Variants in SBNO2 observed in about 807,000 individuals in gnomAD.
SBNO2 encodes the protein protein strawberry notch homolog 2.
Under a neutral mutation model 146.3 loss-of-function variants are expected in SBNO2, and 89 were observed. The ratio of observed to expected loss-of-function variants is 0.61; its 90% CI spans 0.51 to 0.73. The LOEUF (loss-of-function observed/expected upper bound fraction) is 0.73. Among genes scored for constraint, SBNO2 ranks in the 30% least tolerant of loss-of-function variants. SBNO2 has a pLI of 0.00. For synonymous variants in SBNO2, 1,147 were observed against 892.6 expected (o/e 1.29, Z -5.08); for missense variants, 2,092 against 2,003.7 (o/e 1.04, Z -0.84).
intron 1 of SBNO2, among the ~76,000 whole-genome samples, chr19:1,166,194 ATCCCCGGAT>A (rs1284030619): frequency 0.015 from 288 of 19,280 alleles, 5 homozygotes; most frequent in African/African-American, 0.05. Context: ...CAGACTTCAG[ATCCCCGGAT>A]CCCCAGATCC....
intron 1 of SBNO2, among the ~76,000 whole-genome samples, chr19:1,172,379 T>C (rs754359043): frequency 9.9e-5 from 15 of 152,116 alleles, no homozygotes; most frequent in Non-Finnish European, 2.1e-4. Flanking sequence ...TGAGAAGCCA[T>C]CACCCCACGA....
intron 2 of SBNO2, among the ~76,000 whole-genome samples, chr19:1,152,054 A>G (rs1012889141): frequency 3.9e-5 from 6 of 152,204 alleles, no homozygotes; most frequent in African/African-American, 1.2e-4. Flanking sequence ...AGAGGTGTCC[A>G]TGACGTACCC....
rs73918354 is a variant in SBNO2, at chr19:1,154,889, G to C, written c.-126-487C>G. Among the ~76,000 whole-genome samples, 1,471 of 152,336 alleles carry C rather than the reference G, an allele frequency of 9.7e-3. 25 individuals carry two copies. The highest frequency in any genetic ancestry group is 0.034 in the African/African-American group (1,412 of 41,580). ...ACAGTGAGGTCTCCCAAGGAGGGGGGTCAGGGGCCACGCAGAGCTGGAAGA... is the reference window on the plus strand; with the variant it reads ...ACAGTGAGGTCTCCCAAGGAGGGGGCTCAGGGGCCACGCAGAGCTGGAAGA... On this transcript the variant is annotated intron_variant, in intron 1 of 31. Transcript: ENST00000361757.
chr19:1,167,679 A>T (rs968232298), intron 1 of SBNO2, among the ~76,000 whole-genome samples: 1 of 152,094 alleles, frequency 6.6e-6, no homozygotes, highest in Non-Finnish European at 1.5e-5. Context: ...CCCTCTGCAG[A>T]GCCCCTGTGC....
intron 4 of SBNO2, among the ~76,000 whole-genome samples, chr19:1,141,446 C>A (rs2080136384): frequency 6.6e-6 from 1 of 152,092 alleles, no homozygotes; most frequent in Non-Finnish European, 1.5e-5. Context: ...AACTCCTAAG[C>A]TCAGGTGATC....
At chr19:1,156,032 C>T (rs892793595) in intron 1 of SBNO2, among the ~76,000 whole-genome samples, 3 of 152,196 alleles carry the variant, frequency 2.0e-5, no homozygotes, top group Non-Finnish European at 4.4e-5. Context: ...CCAGGCCCCA[C>T]GGTGGACGGA....
In SBNO2 at chr19:1,108,762, G is replaced by A. The variant is rs1397320062; in HGVS notation, c.3616+17C>T. The A allele has an allele frequency of 1.6e-5, 26 of 1,597,206 alleles. No individual in the cohort carries two copies. Among genetic ancestry groups the A allele is most frequent in the Non-Finnish European group, 2.2e-5 (26 of 1,177,476 alleles). On this transcript the variant is annotated intron_variant, in intron 31 of 31. Transcript: ENST00000361757. ...CTGGGGGCTCGGGCCTTCCCGGGGC[G>A]CCCGCCGCCCACTCACCCACTTGCT...
intron 1 of SBNO2, among the ~76,000 whole-genome samples, chr19:1,168,533 C>A (rs947467501): frequency 2.0e-5 from 3 of 152,232 alleles, no homozygotes; most frequent in African/African-American, 7.2e-5. Flanking sequence ...GGGTTCCAGG[C>A]ACCCTGGCGG....
Position 1,154,405 on chromosome 19 carries a change from G to A in SBNO2, c.-126-3C>T. 2 of 429,998 alleles carry A rather than the reference G, an allele frequency of 4.7e-6. No homozygotes were observed. The highest frequency in any genetic ancestry group is 2.4e-4 in the South Asian group (2 of 8,484). 26.6% of individuals were successfully genotyped at this position (429,998 alleles called of 1,614,324 possible). A position where few individuals can be genotyped will look rare whatever the true frequency, so the allele number is the denominator to read the frequency against. Reference sequence around the variant, plus strand: ...GGCGGTGGCGGCAGCATCATGATCTGCAGAGGGAGACGGGGACGTCCTGAG... The same window carrying A: ...GGCGGTGGCGGCAGCATCATGATCTACAGAGGGAGACGGGGACGTCCTGAG... On this transcript the variant is annotated splice_region_variant and splice_polypyrimidine_tract_variant and intron_variant, in intron 1 of 31. Coordinates refer to ENST00000361757, the MANE Select transcript of SBNO2 (RefSeq NM_014963.3).
intron 1 of SBNO2, among the ~76,000 whole-genome samples, chr19:1,155,812 C>T (rs2080284996): frequency 6.6e-6 from 1 of 152,194 alleles, no homozygotes; most frequent in Admixed American, 6.5e-5. Flanking sequence ...ATCCAGGGGC[C>T]CACCAGTGCT....
chr19:1,156,806 AG>A (rs1568630359), intron 1 of SBNO2, among the ~76,000 whole-genome samples: 2 of 150,904 alleles, frequency 1.3e-5, no homozygotes, highest in South Asian at 4.2e-4. Flanking sequence ...CAGAGACAGA[AG>A]GGGATGCGTG....
At chr19:1,169,875 T>C (rs2080461011) in intron 1 of SBNO2, among the ~76,000 whole-genome samples, 1 of 151,900 alleles carries the variant, frequency 6.6e-6, no homozygotes, top group Admixed American at 6.5e-5. Flanking sequence ...AGCTTCTAAT[T>C]CCAAAACATT....
chr19:1,151,736 C>G (rs2080244203), intron 2 of SBNO2, among the ~76,000 whole-genome samples: 1 of 152,188 alleles, frequency 6.6e-6, no homozygotes, highest in African/African-American at 2.4e-5. Flanking sequence ...GATCGTGGCT[C>G]ACTGCAACCT....
chr19:1,167,437 G>A (rs1383155773), intron 1 of SBNO2, among the ~76,000 whole-genome samples: 3 of 152,244 alleles, frequency 2.0e-5, no homozygotes, highest in East Asian at 1.9e-4. Context: ...GAGAGTCCGC[G>A]CCTGAGCTCG....
intron 1 of SBNO2, among the ~76,000 whole-genome samples, chr19:1,166,668 C>T (rs1486900825): frequency 6.6e-6 from 1 of 151,844 alleles, no homozygotes; most frequent in Non-Finnish European, 1.5e-5. Context: ...GCCACACACG[C>T]TAAAAACCTT....
intron 1 of SBNO2, among the ~76,000 whole-genome samples, chr19:1,171,431 C>T (rs928239017): frequency 6.6e-6 from 1 of 152,178 alleles, no homozygotes; most frequent in African/African-American, 2.4e-5. Flanking sequence ...CATGCAGAGT[C>T]CCCAGGGCAG....
At position 1,112,419 on chromosome 19, in the gene SBNO2, C is replaced by G. The variant is rs1417685970; in HGVS notation, c.2498G>C (p.Arg833Pro). Reference protein sequence around the residue: ...MTLELPWSADRAIQQFGRTHR... With the variant: ...MTLELPWSADPAIQQFGRTHR... ...GGACTCACCGAACTGCTGGATGGCGCGGTCGGCGCTCCACGGCAGCTCCAA... is the reference window on the plus strand; with the variant it reads ...GGACTCACCGAACTGCTGGATGGCGGGGTCGGCGCTCCACGGCAGCTCCAA... The change falls in exon 21 of 32, where the codon CGC (arginine) becomes CCC (proline). Residue 833 changes from arginine to proline, a missense_variant. Coordinates refer to ENST00000361757, the MANE Select transcript of SBNO2 (RefSeq NM_014963.3). This position sits in a 1 kb window ranked among gnomAD's most constrained non-coding sequence, Gnocchi z 5.9. 1 of 1,604,506 alleles carries G rather than the reference C, an allele frequency of 6.2e-7. No homozygotes were observed. The highest frequency in any genetic ancestry group is 8.5e-7 in the Non-Finnish European group (1 of 1,177,916).
chr19:1,123,279 G>GT, intron 7 of SBNO2, among the ~76,000 whole-genome samples: 1 of 152,150 alleles, frequency 6.6e-6, no homozygotes, highest in African/African-American at 2.4e-5. Context: ...GGTTGGGGGC[G>GT]TGGCCAGCGG....
At position 1,108,314 on chromosome 19, in the gene SBNO2, C is replaced by T. The variant is rs2079698806; in HGVS notation, c.4007G>A (p.Gly1336Asp). 10 of 1,446,742 alleles carry T rather than the reference C, an allele frequency of 6.9e-6. No homozygotes were observed. The highest frequency in any genetic ancestry group is 9.1e-6 in the Non-Finnish European group (10 of 1,095,974). The allele number at this position is 1,446,742 out of a possible 1,614,324, so 89.6% of individuals were successfully genotyped here. ...GPPSEGALGE[G>D]AGAGGAAGGG... ...GCCCGCCGCGCCCCCCGCCCCCGCGCCCTCCCCCAGCGCGCCCTCGGAGGG... is the reference window on the plus strand; with the variant it reads ...GCCCGCCGCGCCCCCCGCCCCCGCGTCCTCCCCCAGCGCGCCCTCGGAGGG... The change falls in exon 32 of 32, where the codon GGC (glycine) becomes GAC (aspartate). Residue 1336 changes from glycine to aspartate, a missense_variant. Gly to Asp is a moderately conservative substitution (Grantham distance 94). Transcript: ENST00000361757.
Sources: gnomAD v4.1 joint callset for allele counts (sites outside exome capture counted in the v4.1 genomes callset) on GRCh38, gnomAD v4.1.1 for gene constraint, Gnocchi (gnomAD v3.1) non-coding constraint, MANE v1.5 for transcripts, NCBI Gene and HGNC (gene_info 2026-07-23, HGNC 2026-07-21) for gene names.